Variants in RASEF observed in about 807,000 individuals in gnomAD.
RASEF encodes the protein ras and EF-hand domain-containing protein.
In RASEF, 68 loss-of-function variants were observed where a neutral mutation model predicts 90.1. The observed-to-expected ratio is 0.75, with a 90% CI of 0.62 to 0.92. The LOEUF (loss-of-function observed/expected upper bound fraction) is 0.92, where lower values mean the gene tolerates loss of function less well. Among genes scored for constraint, RASEF ranks in the 40% least tolerant of loss-of-function variants. The pLI is 0.00. For missense variants in RASEF, 949 were observed against 937.2 expected, an observed-to-expected ratio of 1.01 and a Z score of -0.16; for synonymous variants, 331 against 345.2, an observed-to-expected ratio of 0.96 and a Z score of 0.46.
chr9:83,198,163 C>T, the RASEF span, among the ~76,000 whole-genome samples: 2 of 152,108 alleles, frequency 1.3e-5, no homozygotes, highest in Non-Finnish European at 2.9e-5. Context: ...AATATCAGGA[C>T]TCCCCAAATA....
rs751173716 is a variant in RASEF, at chr9:83,005,437, A to G, written c.1092T>C (p.Tyr364=). 3.7e-6 allele frequency: 6 copies of G among 1,613,022 alleles called. No homozygotes were observed. Among genetic ancestry groups the G allele is most frequent in the African/African-American group, 1.3e-5 (1 of 74,886 alleles). The change falls in exon 8 of 17, where the codon TAT becomes TAC. Residue 364 remains tyrosine (Y), a synonymous_variant. Coordinates refer to ENST00000376447, the MANE Select transcript of RASEF (RefSeq NM_152573.4). ...ATACCAAAGATCTGTTGAACTTGCTATAACTGTTTTCAAGGGCACTTCTAA... is the reference window on the plus strand; with the variant it reads ...ATACCAAAGATCTGTTGAACTTGCTGTAACTGTTTTCAAGGGCACTTCTAA... ...DGLRSALENS[Y]SKFNRSLHIN...
At chr9:82,986,342 T>A (rs1828711381) in intron 16 of RASEF, among the ~76,000 whole-genome samples, 2 of 152,216 alleles carry the variant, frequency 1.3e-5, no homozygotes. Context: ...ATCAGCTACG[T>A]ACCATATGGC....
the RASEF span, among the ~76,000 whole-genome samples, chr9:83,083,795 A>G: frequency 6.6e-6 from 1 of 152,150 alleles, no homozygotes; most frequent in African/African-American, 2.4e-5. Context: ...ATAAACTGGT[A>G]CAGCCTTTCT....
chr9:83,087,283 T>G, the RASEF span, among the ~76,000 whole-genome samples: 1 of 152,152 alleles, frequency 6.6e-6, no homozygotes, highest in Non-Finnish European at 1.5e-5. Flanking sequence ...GTATTTGGAG[T>G]TGGAGCCTCT....
intron 15 of RASEF, among the ~76,000 whole-genome samples, chr9:82,991,127 T>C (rs1828806799): frequency 6.6e-6 from 1 of 152,070 alleles, no homozygotes; most frequent in Non-Finnish European, 1.5e-5. Flanking sequence ...CCCCACTCAC[T>C]CACAGAGCTG....
chr9:82,982,344 A>T lies in RASEF; in HGVS notation c.*333T>A. The T allele has an allele frequency of 5.9e-6, 1 of 168,634 alleles. No individual in the cohort carries two copies. Among genetic ancestry groups the T allele is most frequent in the Non-Finnish European group, 1.3e-5 (1 of 78,288 alleles). 10.4% of individuals were successfully genotyped at this position (168,634 alleles called of 1,614,324 possible). ...CCTAATTCAGCTACCACATGAATCT[A>T]ATTATGTCAGTTTCCTCTACAGCTT... On this transcript the variant is annotated 3_prime_UTR_variant, in exon 17 of 17. Coordinates refer to ENST00000376447, the MANE Select transcript of RASEF (RefSeq NM_152573.4).
chr9:83,023,948 C>A (rs538893268), intron 2 of RASEF, among the ~76,000 whole-genome samples: 2 of 152,320 alleles, frequency 1.3e-5, no homozygotes, highest in East Asian at 1.9e-4. Context: ...CTTGCCCCAG[C>A]AATTTCCAAT....
At chr9:83,016,741 A>AG (rs1451110719) in intron 3 of RASEF, among the ~76,000 whole-genome samples, 2 of 152,148 alleles carry the variant, frequency 1.3e-5, no homozygotes, top group Non-Finnish European at 2.9e-5. Context: ...GAGATGTGAC[A>AG]GGAAGTCAGT....
intron 2 of RASEF, among the ~76,000 whole-genome samples, chr9:83,024,768 GA>G (rs1231743923): frequency 6.6e-6 from 1 of 152,222 alleles, no homozygotes; most frequent in Non-Finnish European, 1.5e-5. Flanking sequence ...ACATCGTAAT[GA>G]ACCAAAGGTT....
chr9:83,009,722 G>T lies in RASEF; in HGVS notation c.878C>A (p.Ala293Glu), dbSNP rs755212994. ...CTGAAGAAAGGCTATGTTTGTCTGTGCTTCTAAAAGGTCTTTCTTAACTTT... is the reference window on the plus strand; with the variant it reads ...CTGAAGAAAGGCTATGTTTGTCTGTTCTTCTAAAAGGTCTTTCTTAACTTT... ...NQKVKKDLLEAQTNIAFLQSE... is the reference protein window; with the variant it reads ...NQKVKKDLLEEQTNIAFLQSE... The change falls in exon 6 of 17, where the codon GCA becomes GAA. Residue 293 changes from alanine to glutamate, a missense_variant. Around this residue, in one of 3 missense-constraint regions of RASEF, gnomAD observed 656 missense variants for 592.2 expected, o/e 1.11. Transcript: ENST00000376447. The T allele has an allele frequency of 1.9e-6, 3 of 1,613,272 alleles. No homozygotes were observed. Among genetic ancestry groups the T allele is most frequent in the Non-Finnish European group, 2.5e-6 (3 of 1,179,372 alleles).
chr9:82,995,428 T>C (rs972599379), intron 14 of RASEF, among the ~76,000 whole-genome samples: 18 of 152,188 alleles, frequency 1.2e-4, no homozygotes, highest in Non-Finnish European at 2.5e-4. Flanking sequence ...TGCTCCTCTA[T>C]GCACTAATTA....
At chr9:83,082,931 A>T in the RASEF span, among the ~76,000 whole-genome samples, 1 of 152,176 alleles carries the variant, frequency 6.6e-6, no homozygotes, top group East Asian at 1.9e-4. Context: ...CTAATATAAG[A>T]TCATGCGCCC....
At chr9:83,185,916 C>T in the RASEF span, among the ~76,000 whole-genome samples, 2 of 152,092 alleles carry the variant, frequency 1.3e-5, no homozygotes, top group East Asian at 1.9e-4. Flanking sequence ...GTGCAGCCAC[C>T]ACGGGAGATT....
At chr9:83,045,612 T>C (rs1467113860) in intron 1 of RASEF, among the ~76,000 whole-genome samples, 1 of 152,230 alleles carries the variant, frequency 6.6e-6, no homozygotes, top group African/African-American at 2.4e-5. Flanking sequence ...CTTGAATCTG[T>C]GTTCACAGAA....
At chr9:83,055,447 C>T in intron 1 of RASEF, 4 of 638,082 alleles carry the variant, frequency 6.3e-6, no homozygotes, top group Non-Finnish European at 1.1e-5. Flanking sequence ...CACTGTCTCG[C>T]ACTCCGTAGT....
chr9:83,010,749 C>T (rs960831850), intron 5 of RASEF, among the ~76,000 whole-genome samples: 1 of 152,148 alleles, frequency 6.6e-6, no homozygotes, highest in African/African-American at 2.4e-5. Flanking sequence ...ATCCCTGCCC[C>T]ACTCACACCG....
chr9:83,061,609 A>T (rs1246715882), intron 1 of RASEF, among the ~76,000 whole-genome samples: 2 of 152,086 alleles, frequency 1.3e-5, no homozygotes, highest in Non-Finnish European at 1.5e-5. Context: ...TCAAAAAGAA[A>T]ATCTGAGCCT....
Position 83,047,731 on chromosome 9 carries a change from A to T in RASEF, c.431+14706T>A, listed in dbSNP as rs114860727. On this transcript the variant is annotated intron_variant, in intron 1 of 16. Coordinates refer to ENST00000376447, the MANE Select transcript of RASEF (RefSeq NM_152573.4). ...AATAACATCTAAGAGCAAACAAGAA[A>T]GTAAAGATAAACTGTCATTGGGTCA... is the stretch of plus-strand genomic sequence containing the variant. Among the ~76,000 whole-genome samples, 1,043 of 152,350 alleles carry T rather than the reference A, an allele frequency of 6.8e-3. 10 individuals are homozygous for T. The highest frequency in any genetic ancestry group is 0.024 in the African/African-American group (1,005 of 41,592).
chr9:83,113,012 T>C, the RASEF span, among the ~76,000 whole-genome samples: 1,149 of 152,292 alleles, frequency 7.5e-3, 20 homozygotes, highest in African/African-American at 0.026. Flanking sequence ...AAATTTCTAT[T>C]GTTTTAAAAG....
Sources: gnomAD v4.1 joint callset for allele counts (sites outside exome capture counted in the v4.1 genomes callset) on GRCh38, gnomAD v4.1.1 for gene constraint, gnomAD v4.1.1 regional missense constraint, MANE v1.5 for transcripts, NCBI Gene and HGNC (gene_info 2026-07-23, HGNC 2026-07-21) for gene names.